Variants in FRMD4A observed in about 807,000 individuals in gnomAD.
FRMD4A encodes the protein FERM domain containing 4A.
A neutral mutation model predicts 129.1 loss-of-function variants in FRMD4A; 29 were observed. The observed-to-expected ratio is 0.22, with a 90% CI of 0.17 to 0.31. The LOEUF (loss-of-function observed/expected upper bound fraction) is 0.31, where lower values mean the gene tolerates loss of function less well. Among genes scored for constraint, FRMD4A ranks in the 10% least tolerant of loss-of-function variants. The probability of loss-of-function intolerance (pLI) is 1.00; values close to 1 mark genes in which losing one functional copy is unlikely to be tolerated. For missense variants in FRMD4A, 1,272 were observed against 1,375.8 expected, an observed-to-expected ratio of 0.92 and a Z score of 1.19; for synonymous variants, 634 against 571.6, an observed-to-expected ratio of 1.11 and a Z score of -1.56.
intron 2 of FRMD4A, among the ~76,000 whole-genome samples, chr10:13,862,374 C>G (rs1271561411): frequency 6.6e-6 from 1 of 152,120 alleles, no homozygotes; most frequent in Non-Finnish European, 1.5e-5. Context: ...GAAATATTTC[C>G]AAGCTCACAA....
At chr10:14,284,769 C>G (rs1315193174) in intron 2 of FRMD4A, among the ~76,000 whole-genome samples, 1 of 152,206 alleles carries the variant, frequency 6.6e-6, no homozygotes, top group East Asian at 1.9e-4. Context: ...TGGTATACTA[C>G]TTATGCTATA....
intron 6 of FRMD4A, 64 bp downstream of exon 6, chr10:13,782,858 A>C: frequency 6.2e-6 from 5 of 811,846 alleles, no homozygotes; most frequent in Non-Finnish European, 1.1e-5. Context: ...AACACTTTGG[A>C]ATTTCCAGCT....
intron 2 of FRMD4A, among the ~76,000 whole-genome samples, chr10:14,230,815 G>A (rs1201597909): frequency 6.6e-6 from 1 of 152,152 alleles, no homozygotes; most frequent in Non-Finnish European, 1.5e-5. Flanking sequence ...GCTGGTGTCT[G>A]TTGTTCCCTT....
At chr10:13,794,757 C>T (rs746362905) in intron 5 of FRMD4A, among the ~76,000 whole-genome samples, 7 of 152,120 alleles carry the variant, frequency 4.6e-5, no homozygotes, top group Non-Finnish European at 7.3e-5. Context: ...TTGCTTTGGC[C>T]GACCATCAAT....
intron 5 of FRMD4A, among the ~76,000 whole-genome samples, chr10:13,792,574 TCTC>T (rs1311655421): frequency 6.6e-6 from 1 of 152,178 alleles, no homozygotes; most frequent in African/African-American, 2.4e-5. Flanking sequence ...TGGGCCCCCA[TCTC>T]CTTCTTTTTA....
chr10:13,736,636 A>G (rs2090643960), intron 12 of FRMD4A, among the ~76,000 whole-genome samples: 1 of 152,224 alleles, frequency 6.6e-6, no homozygotes, highest in South Asian at 2.1e-4. Flanking sequence ...AGAGCCTACA[A>G]TCCACTTAGA....
At chr10:13,998,754 C>T (rs1050513764) in intron 2 of FRMD4A, among the ~76,000 whole-genome samples, 3 of 152,166 alleles carry the variant, frequency 2.0e-5, no homozygotes, top group South Asian at 2.1e-4. Context: ...CACTTCTCAC[C>T]ACCTCCAGGG....
intron 2 of FRMD4A, among the ~76,000 whole-genome samples, chr10:13,915,353 C>G (rs567431859): frequency 6.6e-6 from 1 of 151,564 alleles, no homozygotes; most frequent in Non-Finnish European, 1.5e-5. Flanking sequence ...GGAGGACCAA[C>G]TAAGTGGAAA....
chr10:13,907,482 C>T (rs1037561392), intron 2 of FRMD4A, among the ~76,000 whole-genome samples: 1 of 152,240 alleles, frequency 6.6e-6, no homozygotes, highest in Non-Finnish European at 1.5e-5. Context: ...AAACCCACGG[C>T]GGGTCCCAGA....
In FRMD4A at chr10:13,674,893, G is replaced by A. The variant is rs1450811465; in HGVS notation, c.1251+18C>T. On this transcript the variant is annotated intron_variant, in intron 16 of 24. Transcript: ENST00000357447. Reference sequence around the variant, plus strand: ...CAGACAACACCAATTTCAACGGGATGAGCTAGGAAAGGCTTACAGCTTCTC... The same window carrying A: ...CAGACAACACCAATTTCAACGGGATAAGCTAGGAAAGGCTTACAGCTTCTC... 6 of 1,612,994 alleles carry A rather than the reference G, an allele frequency of 3.7e-6. No homozygotes were observed. Among genetic ancestry groups the A allele is most frequent in the South Asian group, 1.1e-5 (1 of 91,044 alleles).
chr10:14,223,726 G>T (rs1019224954), intron 2 of FRMD4A, among the ~76,000 whole-genome samples: 3 of 126,452 alleles, frequency 2.4e-5, no homozygotes, highest in Non-Finnish European at 4.7e-5. Context: ...GGGTGACAGA[G>T]CAAGACCATG....
At chr10:14,219,890 C>T (rs910712311) in intron 2 of FRMD4A, among the ~76,000 whole-genome samples, 1 of 152,178 alleles carries the variant, frequency 6.6e-6, no homozygotes, top group Non-Finnish European at 1.5e-5. Context: ...AAACCCTGAA[C>T]TACTTGCTAT....
chr10:13,826,136 C>CTGGT (rs1342817574), intron 3 of FRMD4A, among the ~76,000 whole-genome samples: 3 of 152,214 alleles, frequency 2.0e-5, no homozygotes, highest in African/African-American at 7.2e-5. Flanking sequence ...CACAAGGGAC[C>CTGGT]TGGTACATGA....
chr10:14,152,800 A>C (rs1354216009), intron 2 of FRMD4A, among the ~76,000 whole-genome samples: 2 of 152,078 alleles, frequency 1.3e-5, no homozygotes, highest in Non-Finnish European at 2.9e-5. Flanking sequence ...TGATTGCACC[A>C]CTGCACTCCA....
At chr10:14,026,506 C>T (rs947990145) in intron 2 of FRMD4A, among the ~76,000 whole-genome samples, 13 of 152,130 alleles carry the variant, frequency 8.5e-5, no homozygotes, top group East Asian at 1.9e-4. Flanking sequence ...AGAATTAGAG[C>T]GGGTCCCACA....
intron 2 of FRMD4A, among the ~76,000 whole-genome samples, chr10:14,038,483 A>G (rs1781165266): frequency 6.6e-6 from 1 of 152,218 alleles, no homozygotes; most frequent in Admixed American, 6.5e-5. Flanking sequence ...CAATTCATCC[A>G]AATATTCCTC....
chr10:13,964,867 G>T (rs184529792), intron 2 of FRMD4A, among the ~76,000 whole-genome samples: 52 of 152,006 alleles, frequency 3.4e-4, no homozygotes, highest in Admixed American at 3.3e-3. Context: ...TGTATTTTTA[G>T]TAGAGATGGG....
intron 5 of FRMD4A, among the ~76,000 whole-genome samples, chr10:13,789,769 ATGTGTG>A (rs57602565): frequency 1.2e-3 from 154 of 130,188 alleles, no homozygotes; most frequent in African/African-American, 3.4e-3. Flanking sequence ...GCTGCTTATA[ATGTGTG>A]TGTGTGTGTG....
chr10:13,892,731 G>A (rs965942040), intron 2 of FRMD4A, among the ~76,000 whole-genome samples: 1 of 152,072 alleles, frequency 6.6e-6, no homozygotes, highest in African/African-American at 2.4e-5. Flanking sequence ...GGGAGAGACT[G>A]GTTTTCCTCC....
Sources: gnomAD v4.1 joint callset for allele counts (sites outside exome capture counted in the v4.1 genomes callset) on GRCh38, gnomAD v4.1.1 for gene constraint, MANE v1.5 for transcripts, NCBI Gene and HGNC (gene_info 2026-07-23, HGNC 2026-07-21) for gene names.